HECW1: variants seen among roughly 807,000 people sequenced by gnomAD.
HECW1 encodes the protein E3 ubiquitin-protein ligase HECW1.
Under a neutral mutation model 182.3 loss-of-function variants are expected in HECW1, and 61 were observed. The ratio of observed to expected loss-of-function variants is 0.33; its 90% CI spans 0.27 to 0.41. The LOEUF (loss-of-function observed/expected upper bound fraction) is 0.41, where lower values mean the gene tolerates loss of function less well. Among genes scored for constraint, HECW1 ranks in the 10% least tolerant of loss-of-function variants. HECW1 has a pLI of 1.00. For synonymous variants in HECW1, 859 were observed against 832.6 expected (o/e 1.03, Z -0.55); for missense variants, 1,739 against 2,108.9 (o/e 0.82, Z 3.44).
chr7:43,545,700 A>G (rs1202066799), intron 26 of HECW1, among the ~76,000 whole-genome samples: 2 of 152,236 alleles, frequency 1.3e-5, no homozygotes, highest in Non-Finnish European at 2.9e-5. Context: ...TAAGAACATC[A>G]TAAGGAAGAG....
At chr7:43,331,261 T>G (rs1811444649) in intron 5 of HECW1, among the ~76,000 whole-genome samples, 1 of 152,002 alleles carries the variant, frequency 6.6e-6, no homozygotes, top group Admixed American at 6.6e-5. Flanking sequence ...TTGCGATAGT[T>G]TGCTCAGAAT....
chr7:43,354,321 C>T (rs1432442803), intron 5 of HECW1, among the ~76,000 whole-genome samples: 1 of 151,926 alleles, frequency 6.6e-6, no homozygotes. Context: ...AAGAAAGGAA[C>T]TAGTGATTGA....
intron 5 of HECW1, among the ~76,000 whole-genome samples, chr7:43,352,910 G>A (rs1387882665): frequency 6.6e-6 from 1 of 152,124 alleles, no homozygotes; most frequent in Non-Finnish European, 1.5e-5. Context: ...GATGTCTCCA[G>A]TGCTACAGCT....
At chr7:43,488,434 G>GAGAAAGAAAGAA (rs796394625) in intron 17 of HECW1, among the ~76,000 whole-genome samples, 8,082 of 92,778 alleles carry the variant, frequency 0.087, 653 homozygotes, top group Admixed American at 0.1. Context: ...AAGAAAGAAA[G>GAGAAAGAAAGAA]AGAAAGAAAG....
At chr7:43,383,075 T>C (rs1413807432) in intron 6 of HECW1, among the ~76,000 whole-genome samples, 5 of 152,250 alleles carry the variant, frequency 3.3e-5, no homozygotes, top group Non-Finnish European at 7.3e-5. Context: ...AACAATGGCT[T>C]CTGGCTTCAT....
intron 2 of HECW1, among the ~76,000 whole-genome samples, chr7:43,202,928 C>A (rs1215684212): frequency 1.3e-5 from 2 of 152,158 alleles, no homozygotes; most frequent in African/African-American, 4.8e-5. Context: ...GGACAACCCC[C>A]TTTGACTGTA....
chr7:43,121,432 C>T (rs181648305), intron 2 of HECW1, among the ~76,000 whole-genome samples: 2 of 152,272 alleles, frequency 1.3e-5, no homozygotes, highest in African/African-American at 4.8e-5. Context: ...CAGCTCATAT[C>T]CCCATGCACT....
chr7:43,323,298 T>C (rs1051510292), intron 5 of HECW1, among the ~76,000 whole-genome samples: 1 of 152,196 alleles, frequency 6.6e-6, no homozygotes, highest in Non-Finnish European at 1.5e-5. Context: ...TTAAGTATTA[T>C]TAGAAATACA....
At position 43,264,245 on chromosome 7, in the gene HECW1, C is replaced by G. The variant is rs151166719; in HGVS notation, c.27+20313C>G. ...TGACCAACATCTCCCCATCCCTCCC[C>G]CTTCCCCCAGCCTCTGGTAACTACC... On this transcript the variant is annotated intron_variant, in intron 3 of 29. Transcript: ENST00000395891. Among the ~76,000 whole-genome samples, 304 of 152,296 alleles carry G rather than the reference C, an allele frequency of 2.0e-3. 1 individual carries two copies. The highest frequency in any genetic ancestry group is 6.4e-3 in the African/African-American group (267 of 41,550).
intron 5 of HECW1, among the ~76,000 whole-genome samples, chr7:43,327,427 A>ATTCGTG (rs1173548074): frequency 1.3e-5 from 2 of 152,180 alleles, no homozygotes; most frequent in African/African-American, 2.4e-5. Flanking sequence ...TCGTGAAGTA[A>ATTCGTG]TTCGTGTTGC....
At chr7:43,447,606 A>G (rs1442845334) in intron 11 of HECW1, among the ~76,000 whole-genome samples, 1 of 152,162 alleles carries the variant, frequency 6.6e-6, no homozygotes, top group Non-Finnish European at 1.5e-5. Context: ...ACTTCTTCCC[A>G]GCCATCCTTC....
chr7:43,376,482 A>G (rs767658350), intron 6 of HECW1, among the ~76,000 whole-genome samples: 9 of 152,290 alleles, frequency 5.9e-5, no homozygotes, highest in Non-Finnish European at 1.2e-4. Context: ...TGAGTTGGCA[A>G]AAGTCTAGCT....
At chr7:43,127,380 A>G (rs941399585) in intron 2 of HECW1, among the ~76,000 whole-genome samples, 2 of 151,976 alleles carry the variant, frequency 1.3e-5, no homozygotes. Flanking sequence ...AAAATTAGCC[A>G]GGTGTGGTGG....
chr7:43,183,442 C>G (rs1008565644), intron 2 of HECW1, among the ~76,000 whole-genome samples: 7 of 152,110 alleles, frequency 4.6e-5, no homozygotes, highest in African/African-American at 1.7e-4. Context: ...AGTAATTTAT[C>G]TACTATAGTC....
intron 6 of HECW1, among the ~76,000 whole-genome samples, chr7:43,395,581 C>G (rs932202282): frequency 2.0e-5 from 3 of 152,148 alleles, no homozygotes; most frequent in African/African-American, 7.2e-5. Flanking sequence ...GGCCTGGTGC[C>G]GAGCCCCATT....
At chr7:43,255,683 G>A (rs1371118244) in intron 3 of HECW1, among the ~76,000 whole-genome samples, 2 of 151,860 alleles carry the variant, frequency 1.3e-5, no homozygotes, top group African/African-American at 4.8e-5. Context: ...TGGCTCTTCT[G>A]GGCCATGCAC....
At chr7:43,528,428 T>G (rs1351148878) in intron 24 of HECW1, among the ~76,000 whole-genome samples, 1 of 152,198 alleles carries the variant, frequency 6.6e-6, no homozygotes, top group Non-Finnish European at 1.5e-5. Context: ...ATCCTTATAA[T>G]CTGGGAAAAT....
At chr7:43,125,449 G>C (rs1026775606) in intron 2 of HECW1, among the ~76,000 whole-genome samples, 3 of 152,030 alleles carry the variant, frequency 2.0e-5, no homozygotes, top group South Asian at 4.2e-4. Context: ...CTATTACTCA[G>C]ACTTATTCAA....
chr7:43,457,505 G>A (rs759062159), intron 13 of HECW1, among the ~76,000 whole-genome samples: 1 of 152,196 alleles, frequency 6.6e-6, no homozygotes, highest in African/African-American at 2.4e-5. Flanking sequence ...GGGTGCAGTG[G>A]CTCACGCCTG....
Sources: gnomAD v4.1 joint callset for allele counts (sites outside exome capture counted in the v4.1 genomes callset) on GRCh38, gnomAD v4.1.1 for gene constraint, MANE v1.5 for transcripts, NCBI Gene and HGNC (gene_info 2026-07-23, HGNC 2026-07-21) for gene names.